Variants in SLIT3 observed in about 807,000 individuals in gnomAD.
The protein encoded by SLIT3 is slit homolog 3 protein.
A neutral mutation model predicts 184.0 loss-of-function variants in SLIT3; 68 were observed. The ratio of observed to expected loss-of-function variants is 0.37; its 90% CI spans 0.30 to 0.45. The LOEUF (loss-of-function observed/expected upper bound fraction) is 0.45. SLIT3 is among the 20% of genes least tolerant of loss of function. SLIT3 has a pLI of 1.00. For synonymous variants in SLIT3, 831 were observed against 828.6 expected, an observed-to-expected ratio of 1.00 and a Z score of -0.05; for missense variants, 1,707 against 2,026.0, an observed-to-expected ratio of 0.84 and a Z score of 3.02.
chr5:168,824,462 T>C (rs1488669117), intron 6 of SLIT3, among the ~76,000 whole-genome samples: 2 of 152,192 alleles, frequency 1.3e-5, no homozygotes, highest in South Asian at 2.1e-4. Context: ...GGGCTTACCC[T>C]TCTGGAGAAA....
rs1219601675 is a variant in SLIT3, at chr5:168,973,543, G to A, written c.414-90207C>T. Among the ~76,000 whole-genome samples the A allele has an allele frequency of 9.8e-5, 15 of 152,306 alleles. No homozygotes were observed. The East Asian group carries it at 2.9e-3, about 29-fold the overall frequency. ...TTATAGGCGTGAGCCACCATGCCTG[G>A]CCTTCACTGAAAAATTTTAAACTGC... On this transcript the variant is annotated intron_variant, in intron 4 of 35. Transcript: ENST00000519560.
chr5:169,298,985 A>G (rs1187455654), intron 1 of SLIT3, among the ~76,000 whole-genome samples: 1 of 152,218 alleles, frequency 6.6e-6, no homozygotes, highest in East Asian at 1.9e-4. Flanking sequence ...AGTTATAGGT[A>G]TCTAAAAATA....
rs368902559 is a variant in SLIT3 at position 169,181,609 on chromosome 5, C to T, written c.413+11870G>A. Among the ~76,000 whole-genome samples, 121 of 151,964 alleles carry T rather than the reference C, an allele frequency of 8.0e-4. 1 individual carries two copies. Among genetic ancestry groups the T allele is most frequent in the African/African-American group, 2.5e-3 (104 of 41,434 alleles). On this transcript the variant is annotated intron_variant, in intron 4 of 35. Coordinates refer to ENST00000519560, the MANE Select transcript of SLIT3 (RefSeq NM_003062.4). ...ACAAAAAATTAGCTGGGTGTGGTGG[C>T]GCGTACCTGTAGTCCCAGCTACTCA...
At chr5:168,707,305 G>A (rs966859249) in intron 26 of SLIT3, 38 of 152,860 alleles carry the variant, frequency 2.5e-4, no homozygotes, top group African/African-American at 9.1e-4. Flanking sequence ...GGCACAGTCT[G>A]TACTCGGTAG....
chr5:169,282,636 A>G (rs968704613), intron 1 of SLIT3, among the ~76,000 whole-genome samples: 1 of 152,112 alleles, frequency 6.6e-6, no homozygotes, highest in Admixed American at 6.6e-5. Context: ...TAAATAAGTG[A>G]GGTTATATTG....
intron 31 of SLIT3, 118 bp downstream of exon 31, chr5:168,685,569 G>A (rs1264647571): frequency 2.3e-6 from 3 of 1,320,926 alleles, no homozygotes; most frequent in South Asian, 1.6e-5. Context: ...TCCTCAAGCT[G>A]AGTGTTGTCC....
intron 5 of SLIT3, among the ~76,000 whole-genome samples, chr5:168,879,318 G>A (rs1326487983): frequency 6.6e-6 from 1 of 152,154 alleles, no homozygotes; most frequent in Non-Finnish European, 1.5e-5. Flanking sequence ...TGATGACAAG[G>A]ATATGCATCT....
At chr5:168,820,960 C>A (rs1314931912) in intron 7 of SLIT3, among the ~76,000 whole-genome samples, 1 of 152,184 alleles carries the variant, frequency 6.6e-6, no homozygotes, top group Non-Finnish European at 1.5e-5. Flanking sequence ...CCGTCCCCCC[C>A]AACCCCATAC....
intron 4 of SLIT3, among the ~76,000 whole-genome samples, chr5:169,179,276 C>CTTTTT (rs370270230): frequency 8.0e-6 from 1 of 125,048 alleles, no homozygotes; most frequent in Non-Finnish European, 1.6e-5. Context: ...ATTCCTTTTT[C>CTTTTT]TTTTTTTTTT....
intron 8 of SLIT3, among the ~76,000 whole-genome samples, chr5:168,812,198 G>C (rs1757179996): frequency 6.6e-6 from 1 of 152,180 alleles, no homozygotes. Context: ...CCAGGGCCTG[G>C]GGAGGGTATT....
rs148493756 is a variant in SLIT3 at position 168,960,232 on chromosome 5, T to C, written c.414-76896A>G. On this transcript the variant is annotated intron_variant, in intron 4 of 35. Transcript: ENST00000519560. The stretch of plus-strand genomic sequence containing the variant: ...GTACTGCATGGCAGGTAATAGTCGG[T>C]GCTTGGTGATTCTCTGGTTAATGTA... Among the ~76,000 whole-genome samples the C allele has an allele frequency of 9.7e-3, 1,477 of 152,340 alleles. 10 individuals carry two copies. The highest frequency in any genetic ancestry group is 0.015 in the Non-Finnish European group (996 of 68,044).
chr5:169,155,138 C>G (rs1762257375), intron 4 of SLIT3, among the ~76,000 whole-genome samples: 1 of 152,192 alleles, frequency 6.6e-6, no homozygotes, highest in Admixed American at 6.5e-5. Context: ...GCGTCAGCAG[C>G]TAGTGTTTGA....
At chr5:168,939,150 A>G (rs1193250699) in intron 4 of SLIT3, among the ~76,000 whole-genome samples, 1 of 152,232 alleles carries the variant, frequency 6.6e-6, no homozygotes, top group Non-Finnish European at 1.5e-5. Context: ...CAGACAAAGC[A>G]GCACCAGGTC....
chr5:169,229,896 G>C (rs1764939635), intron 3 of SLIT3, among the ~76,000 whole-genome samples: 1 of 152,174 alleles, frequency 6.6e-6, no homozygotes, highest in South Asian at 2.1e-4. Context: ...AAGAGAAGGT[G>C]AGAAATTCGA....
At chr5:169,277,855 A>T (rs1167121684) in intron 1 of SLIT3, among the ~76,000 whole-genome samples, 1 of 152,206 alleles carries the variant, frequency 6.6e-6, no homozygotes, top group Non-Finnish European at 1.5e-5. Context: ...CAGCAGCTGC[A>T]CCATTTTACG....
At chr5:169,264,134 G>C (rs61310929) in intron 1 of SLIT3, among the ~76,000 whole-genome samples, 1 of 152,032 alleles carries the variant, frequency 6.6e-6, no homozygotes, top group African/African-American at 2.4e-5. Flanking sequence ...ACCATGCAGA[G>C]TTTAAGCCAT....
chr5:169,181,519 A>C (rs182357452), intron 4 of SLIT3, among the ~76,000 whole-genome samples: 12 of 152,284 alleles, frequency 7.9e-5, no homozygotes. Context: ...AGGTGGGCGG[A>C]TCACGAGGTC....
chr5:168,882,937 C>A (rs183930408), intron 5 of SLIT3, among the ~76,000 whole-genome samples: 1 of 152,228 alleles, frequency 6.6e-6, no homozygotes, highest in Non-Finnish European at 1.5e-5. Context: ...CAAAACATGC[C>A]CACAAGGTTA....
At chr5:169,085,225 G>T (rs1417783405) in intron 4 of SLIT3, among the ~76,000 whole-genome samples, 1 of 152,154 alleles carries the variant, frequency 6.6e-6, no homozygotes, top group Non-Finnish European at 1.5e-5. Context: ...GCCAGAGCAG[G>T]TCGGCTGGAA....
Sources: allele counts gnomAD v4.1 joint callset (sites outside exome capture counted in the v4.1 genomes callset), GRCh38; gene constraint gnomAD v4.1.1; transcripts MANE v1.5; gene names NCBI Gene and HGNC (gene_info 2026-07-23, HGNC 2026-07-21).